Variants in WWOX observed in about 807,000 individuals in gnomAD.
WWOX encodes the protein WW domain-containing oxidoreductase.
WWOX carries 69 observed loss-of-function variants against 46.2 expected under a neutral mutation model. The ratio of observed to expected loss-of-function variants is 1.49; its 90% confidence interval spans 1.23 to 1.82. The LOEUF is 1.82. WWOX is among the 40% of genes most tolerant of loss of function. The pLI, the probability that WWOX is intolerant of heterozygous loss-of-function variation, is 0.00. For missense variants in WWOX, 919 were observed against 542.6 expected (o/e 1.69, Z -6.89); for synonymous variants, 359 against 202.6 (o/e 1.77, Z -6.56).
intron 6 of WWOX, among the ~76,000 whole-genome samples, chr16:78,422,288 T>A (rs1379744817): frequency 6.6e-6 from 1 of 152,116 alleles, no homozygotes; most frequent in Non-Finnish European, 1.5e-5. Flanking sequence ...TTTTTATGTT[T>A]CCCTTTATTG....
intron 4 of WWOX, among the ~76,000 whole-genome samples, chr16:78,147,894 G>A (rs56228215): frequency 0.074 from 11,235 of 151,526 alleles, 488 homozygotes; most frequent in Non-Finnish European, 0.094. Context: ...TTGCCAAGAG[G>A]GATCACAGCC....
chr16:78,413,048 A>T (rs1037278296), intron 6 of WWOX, among the ~76,000 whole-genome samples: 11 of 152,174 alleles, frequency 7.2e-5, no homozygotes. Flanking sequence ...GGAGAGGAAA[A>T]TGTAACCACC....
At chr16:79,124,130 A>G (rs2049699480) in intron 8 of WWOX, among the ~76,000 whole-genome samples, 1 of 152,130 alleles carries the variant, frequency 6.6e-6, no homozygotes, top group African/African-American at 2.4e-5. Context: ...AGTTGATTTT[A>G]TAAACTTCGG....
chr16:78,574,960 C>G (rs1177147690), intron 8 of WWOX, among the ~76,000 whole-genome samples: 1 of 119,404 alleles, frequency 8.4e-6, no homozygotes, highest in Admixed American at 1.0e-4. Context: ...CAAATCATTA[C>G]TTTATAGACC....
At chr16:78,412,447 G>A (rs745391005) in intron 6 of WWOX, among the ~76,000 whole-genome samples, 63 of 152,278 alleles carry the variant, frequency 4.1e-4, no homozygotes, top group Non-Finnish European at 8.5e-4. Context: ...TCTTCATGGC[G>A]ATTTTGTTCG....
intron 8 of WWOX, among the ~76,000 whole-genome samples, chr16:78,652,019 T>C (rs1044371571): frequency 3.9e-5 from 6 of 152,114 alleles, no homozygotes; most frequent in African/African-American, 1.4e-4. Flanking sequence ...GGATGTATTA[T>C]TGGCATTCCT....
intron 5 of WWOX, among the ~76,000 whole-genome samples, chr16:78,194,863 T>C (rs1037330703): frequency 2.0e-5 from 3 of 152,214 alleles, no homozygotes; most frequent in African/African-American, 4.8e-5. Context: ...TAACGCTCTA[T>C]GTAACTGTCT....
At chr16:78,948,764 G>T (rs761859040) in intron 8 of WWOX, among the ~76,000 whole-genome samples, 2 of 152,086 alleles carry the variant, frequency 1.3e-5, no homozygotes, top group African/African-American at 4.8e-5. Flanking sequence ...GTGGTGTTAC[G>T]TAACATGACA....
intron 5 of WWOX, among the ~76,000 whole-genome samples, chr16:78,215,684 T>G (rs1204798511): frequency 6.6e-6 from 1 of 152,062 alleles, no homozygotes; most frequent in Non-Finnish European, 1.5e-5. Flanking sequence ...TCCCAGCACT[T>G]TAGGAGGCCG....
At chr16:78,937,933 A>G (rs1256494265) in intron 8 of WWOX, among the ~76,000 whole-genome samples, 3 of 152,054 alleles carry the variant, frequency 2.0e-5, no homozygotes, top group Non-Finnish European at 4.4e-5. Context: ...TGGCTATAGA[A>G]CTTTTTAATG....
chr16:78,474,763 C>T (rs1036061177), intron 8 of WWOX, among the ~76,000 whole-genome samples: 3 of 152,156 alleles, frequency 2.0e-5, no homozygotes, highest in Admixed American at 6.5e-5. Flanking sequence ...CCTCTGCGAA[C>T]CGCTAGTCTG....
chr16:78,703,084 G>A (rs1324141756), intron 8 of WWOX, among the ~76,000 whole-genome samples: 1 of 152,182 alleles, frequency 6.6e-6, no homozygotes, highest in Non-Finnish European at 1.5e-5. Flanking sequence ...ATGATGGGAT[G>A]TTAGGTAGAG....
intron 8 of WWOX, chr16:78,890,929 C>T (rs1268285729): frequency 1.3e-5 from 2 of 152,154 alleles, no homozygotes; most frequent in Non-Finnish European, 2.9e-5. Flanking sequence ...TCAGGGGGAA[C>T]AAACCTGTCT....
chr16:79,161,625 C>G (rs1223900012), intron 8 of WWOX, among the ~76,000 whole-genome samples: 1 of 152,150 alleles, frequency 6.6e-6, no homozygotes, highest in African/African-American at 2.4e-5. Context: ...CGGATTCAAG[C>G]GATTCCCCTG....
intron 8 of WWOX, among the ~76,000 whole-genome samples, chr16:78,691,512 G>A (rs985708765): frequency 1.3e-5 from 2 of 152,078 alleles, no homozygotes; most frequent in Admixed American, 6.6e-5. Flanking sequence ...TTCGAGACCA[G>A]TCTGGGCAAC....
rs2082970669 is a variant in WWOX, at chr16:78,422,746, TACACATATATACACATATATATAC to T, written c.606-2112_606-2089del. ...ATATATATATACACACACATATATA[TACACATATATACACATATATATAC>T]ACACATATATATATACACACACACA... On this transcript the variant is annotated intron_variant, in intron 6 of 8. Coordinates refer to ENST00000566780, the MANE Select transcript of WWOX (RefSeq NM_016373.4). Among the ~76,000 whole-genome samples the T allele has an allele frequency of 4.8e-5, 5 of 103,602 alleles. No individual in the cohort carries two copies. The South Asian group carries it at 1.6e-3, about 32-fold the overall frequency. 68.0% of individuals were successfully genotyped at this position (103,602 alleles called of 152,430 possible). A position where few individuals can be genotyped will look rare whatever the true frequency, so the allele number is the denominator to read the frequency against.
chr16:78,792,659 G>A (rs2050635946), intron 8 of WWOX, among the ~76,000 whole-genome samples: 1 of 152,124 alleles, frequency 6.6e-6, no homozygotes, highest in East Asian at 1.9e-4. Context: ...AAAGAGGAAG[G>A]ATACCTTTGG....
At chr16:78,325,442 A>G (rs1254113683) in intron 5 of WWOX, among the ~76,000 whole-genome samples, 1 of 152,208 alleles carries the variant, frequency 6.6e-6, no homozygotes, top group African/African-American at 2.4e-5. Flanking sequence ...TTAACTGGTG[A>G]TAGTCCATTA....
chr16:78,850,789 C>T (rs908288967), intron 8 of WWOX, among the ~76,000 whole-genome samples: 1 of 152,192 alleles, frequency 6.6e-6, no homozygotes, highest in African/African-American at 2.4e-5. Flanking sequence ...ATTGATACCC[C>T]TGGTCTTTGA....
Sources: gnomAD v4.1 joint callset for allele counts (sites outside exome capture counted in the v4.1 genomes callset) on GRCh38, gnomAD v4.1.1 for gene constraint, MANE v1.5 for transcripts, NCBI Gene and HGNC (gene_info 2026-07-23, HGNC 2026-07-21) for gene names.